CALN1: variants seen among roughly 807,000 people sequenced by gnomAD.
The protein encoded by CALN1 is calneuron 1, also known as calcium-binding protein 8.
In CALN1, 17 loss-of-function variants were observed where a neutral mutation model predicts 30.6. That is an observed-to-expected ratio of 0.56 (90% confidence interval 0.38 to 0.83). The LOEUF (loss-of-function observed/expected upper bound fraction) is 0.83. Ranked by LOEUF, CALN1 falls within the 40% of genes least tolerant of loss-of-function variation. The probability of loss-of-function intolerance (pLI) is 0.00; values close to 1 mark genes in which losing one functional copy is unlikely to be tolerated. For synonymous variants in CALN1, 156 were observed against 131.4 expected (o/e 1.19, Z -1.28); for missense variants, 291 against 354.9 (o/e 0.82, Z 1.45).
chr7:71,794,634 C>T (rs1285279207), intron 6 of CALN1, among the ~76,000 whole-genome samples: 3 of 152,198 alleles, frequency 2.0e-5, no homozygotes, highest in African/African-American at 7.2e-5. Context: ...AAAGCTACAT[C>T]CAACTGTAAA....
At chr7:72,427,892 T>C (rs982846017) in intron 1 of CALN1, among the ~76,000 whole-genome samples, 4 of 152,076 alleles carry the variant, frequency 2.6e-5, no homozygotes, top group African/African-American at 9.7e-5. Context: ...TGTTGCGTGG[T>C]CCAGCTGCCT....
chr7:72,503,506 G>A, the CALN1 span, among the ~76,000 whole-genome samples: 20 of 152,094 alleles, frequency 1.3e-4, no homozygotes, highest in African/African-American at 4.8e-4. Context: ...GCCTTCCGGG[G>A]TTCGGACATG....
chr7:72,283,911 C>G (rs567726506), intron 2 of CALN1, among the ~76,000 whole-genome samples: 2 of 152,254 alleles, frequency 1.3e-5, no homozygotes, highest in African/African-American at 4.8e-5. Flanking sequence ...ATTGTCATAT[C>G]AAAGAAAAGA....
In CALN1 at chr7:71,935,762, T is replaced by C. The variant is rs115314423; in HGVS notation, c.501+87895A>G. On this transcript the variant is annotated intron_variant, in intron 5 of 6. Coordinates refer to ENST00000395275, the MANE Select transcript of CALN1 (RefSeq NM_031468.4). ...AAAACAAAAAACATCCCTCCTCCTG[T>C]ACTGCCAGGGCACTGCTTTTCATTT... Among the ~76,000 whole-genome samples, 920 of 152,274 alleles carry C rather than the reference T, an allele frequency of 6.0e-3. 7 individuals are homozygous for C. Among genetic ancestry groups the C allele is most frequent in the African/African-American group, 0.021 (859 of 41,556 alleles).
chr7:72,128,015 A>G (rs990481632), intron 3 of CALN1, among the ~76,000 whole-genome samples: 4 of 152,198 alleles, frequency 2.6e-5, no homozygotes, highest in African/African-American at 9.7e-5. Flanking sequence ...AAATACAATC[A>G]GCAAAATGTT....
chr7:72,013,410 C>T (rs1584744628), intron 5 of CALN1, among the ~76,000 whole-genome samples: 1 of 151,764 alleles, frequency 6.6e-6, no homozygotes, highest in East Asian at 1.9e-4. Context: ...TGACACCACA[C>T]CCAGCTAATT....
At chr7:72,430,240 A>C (rs1051469751) in intron 1 of CALN1, among the ~76,000 whole-genome samples, 3 of 148,132 alleles carry the variant, frequency 2.0e-5, no homozygotes, top group East Asian at 3.9e-4. Context: ...ATATTTACAC[A>C]TAATAATTAT....
chr7:72,151,299 T>C (rs537770005), intron 3 of CALN1, among the ~76,000 whole-genome samples: 2 of 152,278 alleles, frequency 1.3e-5, no homozygotes, highest in South Asian at 2.1e-4. Context: ...CCTTGGCTTG[T>C]AGATCTCTGC....
At chr7:72,449,643 T>C (rs907533972), upstream of CALN1, among the ~76,000 whole-genome samples, 1 of 151,810 alleles carries the variant, frequency 6.6e-6, no homozygotes, top group African/African-American at 2.4e-5. Flanking sequence ...GAGGCCAAGG[T>C]GGGAGGATCA....
chr7:72,146,848 A>T (rs1393362446), intron 3 of CALN1, among the ~76,000 whole-genome samples: 1 of 152,222 alleles, frequency 6.6e-6, no homozygotes, highest in Admixed American at 6.5e-5. Context: ...GACAAACCTG[A>T]CAAAAACAAG....
intron 2 of CALN1, among the ~76,000 whole-genome samples, chr7:72,328,116 T>TTA (rs113625497): frequency 3.8e-4 from 58 of 150,816 alleles, no homozygotes; most frequent in African/African-American, 1.3e-3. Flanking sequence ...TTTCTTTTTT[T>TTA]AAAAAAAAAA....
intron 2 of CALN1, among the ~76,000 whole-genome samples, chr7:72,324,668 G>A (rs1362740443): frequency 2.6e-5 from 4 of 151,600 alleles, no homozygotes; most frequent in African/African-American, 7.3e-5. Context: ...TGCAACCTCC[G>A]CCTCCCGGGT....
At chr7:72,420,610 T>C (rs1807573333) in intron 1 of CALN1, among the ~76,000 whole-genome samples, 1 of 150,570 alleles carries the variant, frequency 6.6e-6, no homozygotes, top group Non-Finnish European at 1.5e-5. Context: ...TCCAGGCTGA[T>C]CTGGATGCAT....
At chr7:71,821,203 C>T (rs1482840028) in intron 5 of CALN1, among the ~76,000 whole-genome samples, 1 of 152,072 alleles carries the variant, frequency 6.6e-6, no homozygotes, top group Non-Finnish European at 1.5e-5. Context: ...AGAGTGTGGG[C>T]TATGAAAGCC....
intron 3 of CALN1, among the ~76,000 whole-genome samples, chr7:72,166,873 T>C (rs147093139): frequency 0.023 from 3,456 of 152,118 alleles, 131 homozygotes; most frequent in African/African-American, 0.078. Flanking sequence ...TGAAACCCCA[T>C]CTCTACTACA....
intron 2 of CALN1, among the ~76,000 whole-genome samples, chr7:72,324,383 C>A (rs915526017): frequency 6.6e-6 from 1 of 152,036 alleles, no homozygotes; most frequent in Non-Finnish European, 1.5e-5. Context: ...GCAGGGTCAT[C>A]CCATCTCTGG....
At chr7:72,227,188 C>T (rs1793745257) in intron 3 of CALN1, among the ~76,000 whole-genome samples, 1 of 151,574 alleles carries the variant, frequency 6.6e-6, no homozygotes, top group Admixed American at 6.6e-5. Flanking sequence ...TGCAATATAC[C>T]TTTGTAACAA....
chr7:72,296,974 G>T (rs1372034615), intron 2 of CALN1, among the ~76,000 whole-genome samples: 4 of 152,016 alleles, frequency 2.6e-5, no homozygotes, highest in Non-Finnish European at 5.9e-5. Flanking sequence ...TGGATCTTTT[G>T]AATGTGTTTG....
At chr7:72,439,059 C>G (rs112195458) in intron 1 of CALN1, among the ~76,000 whole-genome samples, 1 of 152,276 alleles carries the variant, frequency 6.6e-6, no homozygotes, top group Non-Finnish European at 1.5e-5. Context: ...TTTCTGGAGA[C>G]AGCGCATCAC....
Sources: gnomAD v4.1 joint callset for allele counts (sites outside exome capture counted in the v4.1 genomes callset) on GRCh38, gnomAD v4.1.1 for gene constraint, MANE v1.5 for transcripts, NCBI Gene and HGNC (gene_info 2026-07-23, HGNC 2026-07-21) for gene names.